The following LMBR1 variants were observed in gnomAD, a reference collection of about 807,000 sequenced individuals.
The protein encoded by LMBR1 is limb development membrane protein 1.
A neutral mutation model predicts 73.9 loss-of-function variants in LMBR1; 52 were observed. That is an observed-to-expected ratio of 0.70 (90% confidence interval 0.56 to 0.89). The LOEUF (loss-of-function observed/expected upper bound fraction) is 0.89, where lower values mean the gene tolerates loss of function less well. LMBR1 is among the 40% of genes least tolerant of loss of function. LMBR1 has a pLI of 0.00. For synonymous variants in LMBR1, 215 were observed against 209.4 expected (o/e 1.03, Z -0.23); for missense variants, 539 against 579.8 (o/e 0.93, Z 0.72).
intron 15 of LMBR1, among the ~76,000 whole-genome samples, chr7:156,698,554 C>A (rs559195841): frequency 6.6e-6 from 1 of 152,186 alleles, no homozygotes; most frequent in African/African-American, 2.4e-5. Context: ...GTGCACCACA[C>A]GCTCAACACC....
downstream of LMBR1, among the ~76,000 whole-genome samples, chr7:156,674,753 C>T (rs546667784): frequency 6.6e-6 from 1 of 152,296 alleles, no homozygotes; most frequent in East Asian, 1.9e-4. Flanking sequence ...TATTTTGGAT[C>T]TGTTGGGTCA....
chr7:156,692,823 A>C (rs2131947748), intron 15 of LMBR1, among the ~76,000 whole-genome samples: 1 of 152,354 alleles, frequency 6.6e-6, no homozygotes, highest in East Asian at 1.9e-4. Context: ...GAAATGAAGC[A>C]GGTGACAGAA....
chr7:156,744,145 C>T (rs1331642296), intron 9 of LMBR1, among the ~76,000 whole-genome samples: 1 of 152,054 alleles, frequency 6.6e-6, no homozygotes, highest in African/African-American at 2.4e-5. Flanking sequence ...TGGGCTCGAG[C>T]GTATACTCCC....
chr7:156,869,467 C>T lies in LMBR1; in HGVS notation c.66+23461G>A, dbSNP rs990701078. Among the ~76,000 whole-genome samples, 12 of 152,068 alleles carry T rather than the reference C, an allele frequency of 7.9e-5. No homozygotes were observed. The South Asian group carries it at 8.3e-4, about 10-fold the overall frequency. ...AACCTCTCAGGTGATATACTTTCAA[C>T]TGTAATTTAAGAAGGAAAGAACATA... On this transcript the variant is annotated intron_variant, in intron 1 of 16. Transcript: ENST00000353442.
rs1804749143 is a variant in LMBR1 at position 156,680,126 on chromosome 7, T to A, written c.*3952A>T. On this transcript the variant is annotated 3_prime_UTR_variant, in exon 17 of 17. Coordinates refer to ENST00000353442, the MANE Select transcript of LMBR1 (RefSeq NM_022458.4). ...CAGTTGTGTTTGCAGCAATAATTTT[T>A]ACCTAAACAATATTCAAAAACCAAA... The A allele has an allele frequency of 6.6e-6, 1 of 150,682 alleles. No individual in the cohort carries two copies. Among genetic ancestry groups the A allele is most frequent in the African/African-American group, 2.5e-5 (1 of 40,694 alleles). The allele number at this position is 150,682 out of a possible 1,614,324, so 9.3% of individuals were successfully genotyped here. A position where few individuals can be genotyped will look rare whatever the true frequency, so the allele number is the denominator to read the frequency against.
intron 4 of LMBR1, among the ~76,000 whole-genome samples, chr7:156,818,813 A>G (rs1473726122): frequency 6.6e-6 from 1 of 152,272 alleles, no homozygotes; most frequent in Non-Finnish European, 1.5e-5. Flanking sequence ...GAAAATGTAT[A>G]GAAGTGGATA....
chr7:156,851,553 C>T (rs1345302976), intron 1 of LMBR1, among the ~76,000 whole-genome samples: 1 of 152,142 alleles, frequency 6.6e-6, no homozygotes, highest in Admixed American at 6.5e-5. Context: ...CCAGATTACT[C>T]TTCCTACTGG....
In LMBR1 at chr7:156,720,121, A is replaced by C. The variant is rs539406063; in HGVS notation, c.1225+3991T>G. ...TTGACAAATGGGATCTAATTAAACTAAAGAGCTTCTGCACAGCAAAAGAAA... is the reference window on the plus strand; with the variant it reads ...TTGACAAATGGGATCTAATTAAACTCAAGAGCTTCTGCACAGCAAAAGAAA... On this transcript the variant is annotated intron_variant, in intron 15 of 16. Coordinates refer to ENST00000353442, the MANE Select transcript of LMBR1 (RefSeq NM_022458.4). Among the ~76,000 whole-genome samples, 340 of 151,622 alleles carry C rather than the reference A, an allele frequency of 2.2e-3. 1 individual carries two copies. Among genetic ancestry groups the C allele is most frequent in the Non-Finnish European group, 3.8e-3 (255 of 67,882 alleles).
At chr7:156,750,056 G>A (rs939664152) in intron 9 of LMBR1, among the ~76,000 whole-genome samples, 1 of 152,194 alleles carries the variant, frequency 6.6e-6, no homozygotes, top group East Asian at 1.9e-4. Context: ...GATGAAAATC[G>A]TATCTAAAGA....
Position 156,711,664 on chromosome 7 carries a change from T to C in LMBR1, c.1225+12448A>G, listed in dbSNP as rs534393376. 2.0e-5 allele frequency among the ~76,000 whole-genome samples: 3 copies of C among 152,104 alleles called. No homozygotes were observed. The East Asian group carries it at 5.8e-4, about 29-fold the overall frequency. Reference sequence around the variant, plus strand: ...TAGTATAAAAACAGACACAGATCAATGGAACAGAATGGAGAACCCAAAAAT... The same window carrying C: ...TAGTATAAAAACAGACACAGATCAACGGAACAGAATGGAGAACCCAAAAAT... On this transcript the variant is annotated intron_variant, in intron 15 of 16. Transcript: ENST00000353442.
intron 4 of LMBR1, among the ~76,000 whole-genome samples, chr7:156,813,256 C>A (rs1437564330): frequency 6.6e-6 from 1 of 152,110 alleles, no homozygotes; most frequent in Non-Finnish European, 1.5e-5. Context: ...GAGCCTTAGT[C>A]CTCAATAATA....
intron 4 of LMBR1, among the ~76,000 whole-genome samples, chr7:156,805,101 C>G (rs1035444285): frequency 6.6e-6 from 1 of 152,024 alleles, no homozygotes; most frequent in East Asian, 1.9e-4. Flanking sequence ...CATCTTCCCA[C>G]TAAATTCCCT....
At chr7:156,719,514 A>C (rs1289688839) in intron 15 of LMBR1, among the ~76,000 whole-genome samples, 1 of 152,212 alleles carries the variant, frequency 6.6e-6, no homozygotes, top group Non-Finnish European at 1.5e-5. Flanking sequence ...ATATCATGAA[A>C]ATGGCCATAC....
intron 1 of LMBR1, among the ~76,000 whole-genome samples, chr7:156,872,562 G>A (rs967626558): frequency 6.6e-5 from 10 of 151,780 alleles, no homozygotes; most frequent in Admixed American, 3.3e-4. Context: ...CAGAAGAATC[G>A]CTTGAACCAG....
At chr7:156,881,471 C>T (rs558951599) in intron 1 of LMBR1, among the ~76,000 whole-genome samples, 73 of 152,166 alleles carry the variant, frequency 4.8e-4, no homozygotes, top group African/African-American at 1.7e-3. Context: ...GCAATAACAA[C>T]AAAAATATGT....
chr7:156,714,061 A>G (rs997226486), intron 15 of LMBR1, among the ~76,000 whole-genome samples: 3 of 152,140 alleles, frequency 2.0e-5, no homozygotes, highest in Non-Finnish European at 2.9e-5. Context: ...CTTTTTAAAC[A>G]ATGCAATATT....
intron 5 of LMBR1, among the ~76,000 whole-genome samples, chr7:156,778,881 C>T (rs565723960): frequency 9.9e-5 from 15 of 152,280 alleles, no homozygotes; most frequent in African/African-American, 3.6e-4. Flanking sequence ...GCCGACTGCT[C>T]ATTTTTCCAT....
At chr7:156,810,557 TAATTTTTG>T (rs1415847589) in intron 4 of LMBR1, among the ~76,000 whole-genome samples, 3 of 151,936 alleles carry the variant, frequency 2.0e-5, no homozygotes, top group African/African-American at 7.3e-5. Flanking sequence ...CACGCCTGGC[TAATTTTTG>T]TATTTTTAGT....
At chr7:156,671,026 C>T (rs1802368920) in intron 4 of LMBR1, among the ~76,000 whole-genome samples, 1 of 152,074 alleles carries the variant, frequency 6.6e-6, no homozygotes, top group Admixed American at 6.5e-5. Flanking sequence ...ATGCTCAGAT[C>T]CTTGTATTGG....
Sources: gnomAD v4.1 joint callset for allele counts (sites outside exome capture counted in the v4.1 genomes callset) on GRCh38, gnomAD v4.1.1 for gene constraint, MANE v1.5 for transcripts, NCBI Gene and HGNC (gene_info 2026-07-23, HGNC 2026-07-21) for gene names.